Variants in CAP2 observed in about 807,000 individuals in gnomAD.
CAP2 encodes the protein cyclase associated actin cytoskeleton regulatory protein 2, also known as adenylyl cyclase-associated protein 2.
In CAP2, 24 loss-of-function variants were observed where a neutral mutation model predicts 57.7. The observed-to-expected ratio is 0.42, with a 90% CI of 0.30 to 0.58. The LOEUF (loss-of-function observed/expected upper bound fraction) is 0.58. CAP2 is among the 20% of genes least tolerant of loss of function. The probability of loss-of-function intolerance (pLI) is 0.22; values close to 1 mark genes in which losing one functional copy is unlikely to be tolerated. For synonymous variants in CAP2, 194 were observed against 207.2 expected (o/e 0.94, Z 0.55); for missense variants, 501 against 590.3 (o/e 0.85, Z 1.57).
chr6:17,424,502 C>T (rs1266448683), intron 2 of CAP2, among the ~76,000 whole-genome samples: 5 of 152,180 alleles, frequency 3.3e-5, no homozygotes, highest in African/African-American at 1.2e-4. Context: ...TTATGATGTG[C>T]TTTAGAAGGT....
chr6:17,428,149 T>C (rs1759637078), intron 3 of CAP2, among the ~76,000 whole-genome samples: 1 of 152,220 alleles, frequency 6.6e-6, no homozygotes, highest in African/African-American at 2.4e-5. Flanking sequence ...TATCTTACTA[T>C]AATTTTGAAC....
At chr6:17,461,917 T>C (rs56757332) in intron 3 of CAP2, among the ~76,000 whole-genome samples, 14,941 of 133,276 alleles carry the variant, frequency 0.11, 2,447 homozygotes, top group African/African-American at 0.37. Context: ...GGCATGAACC[T>C]GGGGGGCGGA....
intron 3 of CAP2, among the ~76,000 whole-genome samples, chr6:17,442,945 T>G (rs1052736349): frequency 1.3e-5 from 2 of 152,078 alleles, no homozygotes; most frequent in Non-Finnish European, 2.9e-5. Flanking sequence ...CTCAAACTCC[T>G]GACCTCAAGT....
chr6:17,424,243 G>A (rs979972730), intron 2 of CAP2, among the ~76,000 whole-genome samples: 23 of 151,968 alleles, frequency 1.5e-4, no homozygotes, highest in Non-Finnish European at 2.2e-4. Context: ...TACTAAAAAT[G>A]AAAAAAATTA....
intron 4 of CAP2, among the ~76,000 whole-genome samples, chr6:17,467,067 T>TC (rs1256791145): frequency 6.6e-6 from 1 of 152,256 alleles, no homozygotes; most frequent in South Asian, 2.1e-4. Flanking sequence ...TGGAGAACCT[T>TC]CCAGGGAGTC....
chr6:17,554,205 C>CA (rs1423797263), intron 12 of CAP2, among the ~76,000 whole-genome samples: 1 of 152,176 alleles, frequency 6.6e-6, no homozygotes, highest in Non-Finnish European at 1.5e-5. Flanking sequence ...CCCCCGGGCT[C>CA]AATCGATCTT....
At chr6:17,496,781 G>A (rs1761680871) in intron 4 of CAP2, among the ~76,000 whole-genome samples, 1 of 152,184 alleles carries the variant, frequency 6.6e-6, no homozygotes, top group Non-Finnish European at 1.5e-5. Context: ...AACACTCACA[G>A]GGGAGTTGTT....
At chr6:17,434,417 C>T (rs6935951) in intron 3 of CAP2, among the ~76,000 whole-genome samples, 7 of 151,796 alleles carry the variant, frequency 4.6e-5, no homozygotes, top group African/African-American at 1.2e-4. Flanking sequence ...TTAGTAGAGA[C>T]GGGGTTTCAC....
Position 17,539,294 on chromosome 6 carries a change from C to T in CAP2, c.662C>T (p.Ala221Val), listed in dbSNP as rs1422077419. The T allele has an allele frequency of 3.7e-6, 6 of 1,613,630 alleles. No homozygotes were observed. The highest frequency in any genetic ancestry group is 1.7e-5 in the Admixed American group (1 of 59,964). ...GGTCCTGTAGCATCCACAGTATCAG[C>T]GTTTTCTGTCCTCTCCTCTGGGCCT... ...KTGPVASTVS[A>V]FSVLSSGPGL... The change falls in exon 8 of 13, where the codon GCG becomes GTG. Residue 221 changes from alanine to valine, a missense_variant. Physicochemically the swap from Ala to Val is moderately conservative, Grantham distance 64 (BLOSUM62 0). Coordinates refer to ENST00000229922, the MANE Select transcript of CAP2 (RefSeq NM_006366.3).
At chr6:17,442,443 C>A (rs1396632026) in intron 3 of CAP2, among the ~76,000 whole-genome samples, 1 of 152,194 alleles carries the variant, frequency 6.6e-6, no homozygotes. Context: ...AATTTGTGAG[C>A]ATGCCCAGGG....
At chr6:17,505,692 G>T (rs1036218833) in intron 4 of CAP2, among the ~76,000 whole-genome samples, 2 of 152,144 alleles carry the variant, frequency 1.3e-5, no homozygotes, top group Non-Finnish European at 2.9e-5. Context: ...CTGAAGTACA[G>T]GACCTTTGCT....
chr6:17,430,817 G>A (rs1041255796), intron 3 of CAP2, among the ~76,000 whole-genome samples: 23 of 152,170 alleles, frequency 1.5e-4, no homozygotes, highest in Admixed American at 4.6e-4. Flanking sequence ...GATTATAGGC[G>A]TGAGCCACTG....
At chr6:17,408,406 C>G (rs1435187409) in intron 1 of CAP2, among the ~76,000 whole-genome samples, 3 of 152,148 alleles carry the variant, frequency 2.0e-5, no homozygotes, top group Non-Finnish European at 4.4e-5. Context: ...AGAATTCACT[C>G]TTGTGAGAAT....
intron 7 of CAP2, among the ~76,000 whole-genome samples, chr6:17,533,714 G>A (rs1762704984): frequency 1.3e-5 from 2 of 151,824 alleles, no homozygotes; most frequent in Admixed American, 6.6e-5. Context: ...GACAACAGGC[G>A]TGTGCACCAT....
intron 9 of CAP2, 126 bp downstream of exon 9, chr6:17,541,274 A>G (rs1762894136): frequency 1.5e-6 from 1 of 672,914 alleles, no homozygotes; most frequent in South Asian, 2.2e-5. Context: ...TAACATTTGT[A>G]TATATTTATG....
chr6:17,467,865 G>C (rs986630755), intron 4 of CAP2, among the ~76,000 whole-genome samples: 1 of 152,100 alleles, frequency 6.6e-6, no homozygotes, highest in Admixed American at 6.5e-5. Flanking sequence ...ATTGACTACA[G>C]TCACCCTGTT....
intron 4 of CAP2, among the ~76,000 whole-genome samples, chr6:17,498,966 T>C (rs1390771484): frequency 6.6e-6 from 1 of 151,820 alleles, no homozygotes; most frequent in Non-Finnish European, 1.5e-5. Context: ...CCTGACCTCG[T>C]GATCCGCCCT....
At chr6:17,531,642 C>T (rs1299459884) in intron 7 of CAP2, 2 of 1,141,772 alleles carry the variant, frequency 1.8e-6, no homozygotes, top group Admixed American at 3.8e-5. Context: ...TCCATGGTTC[C>T]AGCCAGAAAA....
At position 17,396,555 on chromosome 6, in the gene CAP2, C is replaced by T. The variant is rs151185201; in HGVS notation, c.-2+2809C>T. Among the ~76,000 whole-genome samples, 118 of 152,256 alleles carry T rather than the reference C, an allele frequency of 7.8e-4. 1 individual carries two copies. The highest frequency in any genetic ancestry group is 2.6e-3 in the African/African-American group (106 of 41,558). On this transcript the variant is annotated intron_variant, in intron 1 of 12. Coordinates refer to ENST00000229922, the MANE Select transcript of CAP2 (RefSeq NM_006366.3). Reference sequence around the variant, plus strand: ...GTGAAAGAAGCCAGTCAAAATATCACGTACTGTATGATCTATTCATTTGAA... The same window carrying T: ...GTGAAAGAAGCCAGTCAAAATATCATGTACTGTATGATCTATTCATTTGAA...
Sources: allele counts gnomAD v4.1 joint callset (sites outside exome capture counted in the v4.1 genomes callset), GRCh38; gene constraint gnomAD v4.1.1; transcripts MANE v1.5; gene names NCBI Gene and HGNC (gene_info 2026-07-23, HGNC 2026-07-21).